Variants in RGL1 observed in about 807,000 individuals in gnomAD.
RGL1 encodes ral guanine nucleotide dissociation stimulator-like 1.
In RGL1, 24 loss-of-function variants were observed where a neutral mutation model predicts 95.2. That is an observed-to-expected ratio of 0.25 (90% CI 0.18 to 0.35). RGL1 has a LOEUF of 0.35. Among genes scored for constraint, RGL1 ranks in the 10% least tolerant of loss-of-function variants. The pLI is 1.00. For missense variants in RGL1, 715 were observed against 936.3 expected (o/e 0.76, Z 3.08); for synonymous variants, 329 against 344.9 (o/e 0.95, Z 0.51).
At chr1:183,925,741 C>T (rs75371542) in intron 17 of RGL1, among the ~76,000 whole-genome samples, 1,590 of 152,218 alleles carry the variant, frequency 0.01, 31 homozygotes, top group African/African-American at 0.037. Flanking sequence ...GCAGGAGAAA[C>T]GAAACCCGAG....
intron 1 of RGL1, among the ~76,000 whole-genome samples, chr1:183,730,999 A>C (rs187346105): frequency 7.6e-4 from 115 of 152,278 alleles, no homozygotes; most frequent in African/African-American, 2.1e-3. Context: ...TGTAACTCTG[A>C]GTCCACTTAA....
chr1:183,873,265 C>A (rs10911454), intron 4 of RGL1, among the ~76,000 whole-genome samples: 20,652 of 152,136 alleles, frequency 0.14, 1,591 homozygotes, highest in East Asian at 0.2. Flanking sequence ...TGTTTGATTC[C>A]CTGCACAGCA....
At chr1:183,671,750 A>G (rs1307911379) in intron 1 of RGL1, among the ~76,000 whole-genome samples, 1 of 152,098 alleles carries the variant, frequency 6.6e-6, no homozygotes, top group East Asian at 1.9e-4. Context: ...CTGGTTTTCC[A>G]ATTAGGTAGA....
intron 2 of RGL1, among the ~76,000 whole-genome samples, chr1:183,776,518 G>A (rs1437069225): frequency 2.0e-5 from 3 of 152,104 alleles, no homozygotes; most frequent in African/African-American, 7.2e-5. Flanking sequence ...CACATTATGC[G>A]GCACATTTTA....
intron 2 of RGL1, among the ~76,000 whole-genome samples, chr1:183,845,875 C>T (rs1012030691): frequency 2.6e-5 from 4 of 152,166 alleles, no homozygotes; most frequent in African/African-American, 9.7e-5. Flanking sequence ...GACTCAGCTC[C>T]AGCACTCCAC....
At chr1:183,883,682 G>T in intron 5 of RGL1, 104 bp from the exon 6 acceptor site, 2 of 1,300,812 alleles carry the variant, frequency 1.5e-6, no homozygotes, top group South Asian at 2.7e-5. Flanking sequence ...CTGTTCTGGA[G>T]GATTGGCCCT....
At chr1:183,809,922 A>C (rs749682517) in intron 2 of RGL1, among the ~76,000 whole-genome samples, 1 of 152,174 alleles carries the variant, frequency 6.6e-6, no homozygotes, top group East Asian at 1.9e-4. Context: ...GCACCACTGC[A>C]CTCTAGCCTG....
intron 1 of RGL1, among the ~76,000 whole-genome samples, chr1:183,638,903 T>A (rs1235553467): frequency 6.6e-6 from 1 of 152,228 alleles, no homozygotes; most frequent in Non-Finnish European, 1.5e-5. Context: ...ATAATAGGTC[T>A]TTCTTTTCAG....
At chr1:183,900,662 G>A (rs1246589988) in intron 11 of RGL1, among the ~76,000 whole-genome samples, 2 of 151,772 alleles carry the variant, frequency 1.3e-5, no homozygotes, top group Non-Finnish European at 2.9e-5. Context: ...GCACCACCAC[G>A]CCCAGCTAAT....
rs371872781 is a variant in RGL1, at chr1:183,647,960, C to T, written c.-33+11459C>T. 309 of 1,614,184 alleles carry T rather than the reference C, an allele frequency of 1.9e-4. 2 individuals are homozygous for T. The Middle Eastern group carries it at 4.0e-3, about 21-fold the overall frequency. ...GGTTGGGTTGGAGTTGTCCACTCGG[C>T]ATTTGAAAAAACTGTCCAGGAAAGG... On this transcript the variant is annotated intron_variant, in intron 1 of 18. Coordinates refer to the RGL1 transcript ENST00000304685.
At chr1:183,676,841 T>A (rs1463890864) in intron 1 of RGL1, among the ~76,000 whole-genome samples, 2 of 150,732 alleles carry the variant, frequency 1.3e-5, no homozygotes, top group Admixed American at 1.3e-4. Context: ...AATTTCCTCA[T>A]CTGTAATATA....
At chr1:183,854,396 A>T (rs1301171652) in intron 3 of RGL1, among the ~76,000 whole-genome samples, 2 of 152,218 alleles carry the variant, frequency 1.3e-5, no homozygotes, top group African/African-American at 2.4e-5. Context: ...AAGTAAGTAT[A>T]GTACCACCGT....
chr1:183,806,118 T>C (rs1291157845), intron 1 of RGL1, among the ~76,000 whole-genome samples: 1 of 152,012 alleles, frequency 6.6e-6, no homozygotes, highest in Middle Eastern at 3.4e-3. Flanking sequence ...ATTTAAGATA[T>C]GTGAGCAAGT....
At chr1:183,829,548 A>T (rs1240898980) in intron 2 of RGL1, among the ~76,000 whole-genome samples, 1 of 151,892 alleles carries the variant, frequency 6.6e-6, no homozygotes. Flanking sequence ...TTTTTCATAC[A>T]GTTCATTCTT....
intron 15 of RGL1, among the ~76,000 whole-genome samples, chr1:183,914,506 C>G (rs1192826639): frequency 2.6e-5 from 4 of 152,130 alleles, no homozygotes; most frequent in Admixed American, 2.6e-4. Flanking sequence ...ACTGAGCTGA[C>G]CTCCACACTT....
At chr1:183,805,379 C>T (rs1661221403) in intron 1 of RGL1, 55 bp downstream of exon 1, 1 of 1,511,656 alleles carries the variant, frequency 6.6e-7, no homozygotes, top group African/African-American at 1.4e-5. Flanking sequence ...AATCTTCTCC[C>T]GCTTTCGCTG....
intron 2 of RGL1, among the ~76,000 whole-genome samples, chr1:183,779,802 T>G (rs2102351782): frequency 6.6e-6 from 1 of 152,278 alleles, no homozygotes; most frequent in South Asian, 2.1e-4. Flanking sequence ...GTATCTTTTT[T>G]TTTTTGAATG....
Position 183,927,028 on chromosome 1 carries a change from T to C in RGL1, c.*736T>C, listed in dbSNP as rs1306713458. 1 of 152,616 alleles carries C rather than the reference T, an allele frequency of 6.6e-6. No individual in the cohort carries two copies. The highest frequency in any genetic ancestry group is 1.5e-5 in the Non-Finnish European group (1 of 68,042). The allele number at this position is 152,616 out of a possible 1,614,324, so 9.5% of individuals were successfully genotyped here. ...AGCCATCATGACACCTCTGGAGGTG[T>C]CAAGCTCCTGAAACAAGCTCATTTC... On this transcript the variant is annotated 3_prime_UTR_variant, in exon 18 of 18. Coordinates refer to ENST00000360851, the MANE Select transcript of RGL1 (RefSeq NM_001297671.3).
intron 2 of RGL1, among the ~76,000 whole-genome samples, chr1:183,765,439 A>G (rs1461911238): frequency 6.6e-6 from 1 of 152,250 alleles, no homozygotes; most frequent in Admixed American, 6.5e-5. Flanking sequence ...GTTAAAGGCT[A>G]TAAACAGCTC....
Sources: gnomAD v4.1 joint callset for allele counts (sites outside exome capture counted in the v4.1 genomes callset) on GRCh38, gnomAD v4.1.1 for gene constraint, MANE v1.5 for transcripts, NCBI Gene and HGNC (gene_info 2026-07-23, HGNC 2026-07-21) for gene names.